The following SYNE2 variants were observed in gnomAD, a reference collection of about 807,000 sequenced individuals.
SYNE2 encodes spectrin repeat containing nuclear envelope protein 2, also known as nesprin-2.
SYNE2 carries 431 observed loss-of-function variants against 856.3 expected under a neutral mutation model. The ratio of observed to expected loss-of-function variants is 0.50; its 90% CI spans 0.47 to 0.55. The LOEUF (loss-of-function observed/expected upper bound fraction) is 0.55, where lower values mean the gene tolerates loss of function less well. Among genes scored for constraint, SYNE2 ranks in the 20% least tolerant of loss-of-function variants. The pLI, the probability that SYNE2 is intolerant of heterozygous loss-of-function variation, is 0.00. For missense variants in SYNE2, 8,129 were observed against 8,023.2 expected (o/e 1.01, Z -0.50); for synonymous variants, 2,923 against 2,872.3 (o/e 1.02, Z -0.56).
chr14:63,983,828 T>G lies in SYNE2; in HGVS notation c.2093T>G (p.Val698Gly). Residue 698 changes from valine to glycine, a missense_variant, in exon 18 of 116, where the codon GTT becomes GGT. Transcript: ENST00000555002. ...CTATCTAAAGAAGAGAAAGCAACTG[T>G]TGAGTTTTCAACAGATATGTCAGTA... ...NILSKEEKAT[V>G]EFSTDMSVEL... 1 of 1,606,966 alleles carries G rather than the reference T, an allele frequency of 6.2e-7. No individual in the cohort carries two copies. The highest frequency in any genetic ancestry group is 8.5e-7 in the Non-Finnish European group (1 of 1,174,248).
chr14:64,077,791 A>G (rs1190273222), intron 54 of SYNE2, among the ~76,000 whole-genome samples: 1 of 152,130 alleles, frequency 6.6e-6, no homozygotes. Flanking sequence ...ACATTCATTT[A>G]TTATCTTTCC....
intron 70 of SYNE2, among the ~76,000 whole-genome samples, chr14:64,123,886 A>C (rs201079547): frequency 2.2e-5 from 3 of 136,982 alleles, no homozygotes; most frequent in South Asian, 2.2e-4. Flanking sequence ...ACACACACAC[A>C]CCACCTTTTT....
chr14:63,827,625 C>CAAAAAAAAAAAAAAACAAAAAA lies in SYNE2; in HGVS notation c.-304-24861_-304-24860insCAAAAAAAAAAAAAAAAAAAAA, dbSNP rs1889486919. On this transcript the variant is annotated intron_variant, in intron 1 of 23. Transcript: ENST00000674003. ...GGGCAACAAGATTGAAACTCTGTCT[C>CAAAAAAAAAAAAAAACAAAAAA]AAAAAAAAAAAAAAAAAAAAAAAAA... 1.0e-3 allele frequency among the ~76,000 whole-genome samples: 29 copies of CAAAAAAAAAAAAAAACAAAAAA among 28,396 alleles called. 1 individual carries two copies. The highest frequency in any genetic ancestry group is 2.0e-3 in the East Asian group (1 of 492). The allele number at this position is 28,396 out of a possible 152,430, so 18.6% of individuals were successfully genotyped here. A position where few individuals can be genotyped will look rare whatever the true frequency, so the allele number is the denominator to read the frequency against.
Position 64,016,522 on chromosome 14 carries a change from A to T in SYNE2, c.4778A>T (p.Lys1593Met). The change falls in exon 33 of 116, where the codon AAG becomes ATG. Residue 1593 changes from lysine to methionine, a missense_variant. Transcript: ENST00000555002. ...EFNEHLEVVD[K>M]INQVCKNLQF... Reference sequence around the variant, plus strand: ...AATGAGCATTTAGAAGTTGTAGACAAGATAAACCAGGTCTGCAAAAATCTA... The same window carrying T: ...AATGAGCATTTAGAAGTTGTAGACATGATAAACCAGGTCTGCAAAAATCTA... 6.2e-7 allele frequency: 1 copy of T among 1,602,864 alleles called. No individual in the cohort carries two copies. Among genetic ancestry groups the T allele is most frequent in the Non-Finnish European group, 8.5e-7 (1 of 1,173,610 alleles).
chr14:64,197,210 C>T (rs775765707), intron 99 of SYNE2: 3 of 152,272 alleles, frequency 2.0e-5, no homozygotes, highest in Admixed American at 6.5e-5. Context: ...TAGAAATCAC[C>T]GATGAGATGG....
At chr14:64,135,637 A>G (rs2098081496) in intron 78 of SYNE2, among the ~76,000 whole-genome samples, 1 of 152,246 alleles carries the variant, frequency 6.6e-6, no homozygotes, top group South Asian at 2.1e-4. Context: ...ATATTAGCCA[A>G]CCTAATATGA....
intron 1 of SYNE2, among the ~76,000 whole-genome samples, chr14:63,865,724 C>CCCCCCCCCA (rs1555352398): frequency 1.0e-5 from 1 of 95,354 alleles, no homozygotes; most frequent in Non-Finnish European, 2.2e-5. Flanking sequence ...ACCCCCCCCC[C>CCCCCCCCCA]AAAAAAAAAG....
chr14:63,934,311 A>G (rs1236436912), intron 2 of SYNE2, among the ~76,000 whole-genome samples: 2 of 151,474 alleles, frequency 1.3e-5, no homozygotes, highest in Non-Finnish European at 2.9e-5. Flanking sequence ...GTTTAATCAG[A>G]TTAGGACAGA....
At chr14:64,015,572 G>T (rs527730703) in intron 32 of SYNE2, among the ~76,000 whole-genome samples, 1 of 152,036 alleles carries the variant, frequency 6.6e-6, no homozygotes, top group South Asian at 2.1e-4. Context: ...GCTTTCTTCT[G>T]TCTTTGCTTT....
At position 63,830,669 on chromosome 14, in the gene SYNE2, A is replaced by T. The variant is rs996222184; in HGVS notation, c.-304-21832A>T. Among the ~76,000 whole-genome samples the T allele has an allele frequency of 4.9e-4, 75 of 152,022 alleles. 1 individual carries two copies. The highest frequency in any genetic ancestry group is 1.6e-3 in the African/African-American group (65 of 41,488). On this transcript the variant is annotated intron_variant, in intron 1 of 23. Transcript: ENST00000674003. ...GAGCAAGACTTCATCTCAAAAAAAA[A>T]TTTTAATTAATTAATTAAAATTAAA...
intron 84 of SYNE2, among the ~76,000 whole-genome samples, chr14:64,151,907 T>G (rs2098247429): frequency 6.6e-6 from 1 of 152,202 alleles, no homozygotes; most frequent in African/African-American, 2.4e-5. Flanking sequence ...CGACCGTCCT[T>G]CCTCTGAGTA....
At chr14:63,777,997 C>T (rs747955308) in intron 1 of SYNE2, among the ~76,000 whole-genome samples, 10 of 152,018 alleles carry the variant, frequency 6.6e-5, no homozygotes, top group Admixed American at 5.9e-4. Context: ...TCTAACTACA[C>T]ATGAAAAAAC....
chr14:64,042,481 A>G (rs561969289), intron 45 of SYNE2, among the ~76,000 whole-genome samples: 1 of 152,336 alleles, frequency 6.6e-6, no homozygotes, highest in South Asian at 2.1e-4. Context: ...TCCCCACCCA[A>G]ATCTCATCCT....
chr14:64,164,319 C>T (rs1343000569), intron 89 of SYNE2, among the ~76,000 whole-genome samples: 1 of 152,062 alleles, frequency 6.6e-6, no homozygotes, highest in African/African-American at 2.4e-5. Context: ...ACCATGTTAG[C>T]CAGGATGGTC....
In SYNE2 at chr14:64,177,346, G is replaced by C. The variant is rs776376712; in HGVS notation, c.17431-12G>C. On this transcript the variant is annotated splice_polypyrimidine_tract_variant and intron_variant, in intron 95 of 115. Coordinates refer to ENST00000555002, the MANE Select transcript of SYNE2 (RefSeq NM_182914.3). The stretch of plus-strand genomic sequence containing the variant: ...CAAAATACTTACCAGTTTTAATCTT[G>C]TTTTCAAATAGACCTGGGACCAGTG... 2.5e-6 allele frequency: 4 copies of C among 1,613,972 alleles called. No individual in the cohort carries two copies. The African/African-American group carries it at 5.3e-5, about 22-fold the overall frequency.
chr14:63,779,634 G>A (rs767684336), intron 1 of SYNE2, among the ~76,000 whole-genome samples: 17 of 152,022 alleles, frequency 1.1e-4, no homozygotes, highest in Admixed American at 2.0e-4. Flanking sequence ...AAAAGGAACC[G>A]GGCACAGTGG....
At chr14:64,098,298 T>C in intron 62 of SYNE2, 152 bp downstream of exon 62, 2 of 830,898 alleles carry the variant, frequency 2.4e-6, no homozygotes, top group Non-Finnish European at 4.0e-6. Context: ...GGTTGTTTAC[T>C]AGTGAATATA....
chr14:64,109,948 A>G (rs2097794090), intron 65 of SYNE2, among the ~76,000 whole-genome samples: 1 of 152,260 alleles, frequency 6.6e-6, no homozygotes, highest in South Asian at 2.1e-4. Context: ...CTTGACCCGT[A>G]TTACAACCAA....
intron 34 of SYNE2, among the ~76,000 whole-genome samples, chr14:64,019,410 T>G (rs1331039425): frequency 6.6e-6 from 1 of 152,262 alleles, no homozygotes; most frequent in Non-Finnish European, 1.5e-5. Context: ...TATTTACTTT[T>G]TAATTCATGT....
Sources: allele counts gnomAD v4.1 joint callset (sites outside exome capture counted in the v4.1 genomes callset), GRCh38; gene constraint gnomAD v4.1.1; transcripts MANE v1.5; gene names NCBI Gene and HGNC (gene_info 2026-07-23, HGNC 2026-07-21).